The following PATJ variants were observed in gnomAD, a reference collection of about 807,000 sequenced individuals.
PATJ encodes the protein inaD-like protein.
A neutral mutation model predicts 224.9 loss-of-function variants in PATJ; 190 were observed. The observed-to-expected ratio is 0.84, with a 90% CI of 0.75 to 0.95. The LOEUF (loss-of-function observed/expected upper bound fraction) is 0.95. PATJ is among the 40% of genes least tolerant of loss of function. The probability of loss-of-function intolerance (pLI) is 0.00; values close to 1 mark genes in which losing one functional copy is unlikely to be tolerated. For missense variants in PATJ, 2,121 were observed against 2,270.3 expected (o/e 0.93, Z 1.34); for synonymous variants, 769 against 820.3 (o/e 0.94, Z 1.07).
At chr1:61,753,520 T>A (rs1025290462) in intron 1 of PATJ, among the ~76,000 whole-genome samples, 39 of 151,792 alleles carry the variant, frequency 2.6e-4, no homozygotes, top group Non-Finnish European at 4.4e-4. Context: ...TTACATATTT[T>A]TTTTTTTTTT....
At position 61,856,100 on chromosome 1, in the gene PATJ, G is replaced by A; in HGVS notation, c.2183G>A (p.Ser728Asn). 5.0e-6 allele frequency: 8 copies of A among 1,614,160 alleles called. No individual in the cohort carries two copies. Among genetic ancestry groups the A allele is most frequent in the Non-Finnish European group, 6.8e-6 (8 of 1,179,980 alleles). Residue 728 changes from serine to asparagine, a missense_variant, in exon 18 of 44, where the codon AGT (serine) becomes AAT (asparagine). Ser to Asn is a conservative substitution (Grantham distance 46). Coordinates refer to ENST00000642238, the MANE Select transcript of PATJ (RefSeq NM_001350145.3). ...GTAGCAGATGGTGTAGCAGAAAGAA[G>A]TGGGGGACTATTACCTGGAGACCGC... ...SLVADGVAER[S>N]GGLLPGDRLV... is the part of the protein sequence containing the mutation.
At chr1:61,757,956 T>C (rs550707139) in intron 1 of PATJ, among the ~76,000 whole-genome samples, 4 of 152,194 alleles carry the variant, frequency 2.6e-5, no homozygotes, top group Non-Finnish European at 4.4e-5. Context: ...TTGGCTTAAC[T>C]CTTCTTCTAG....
At chr1:62,000,192 A>AG (rs1645663826) in intron 28 of PATJ, among the ~76,000 whole-genome samples, 1 of 124,480 alleles carries the variant, frequency 8.0e-6, no homozygotes, top group South Asian at 2.8e-4. Context: ...CCCAGCCTAG[A>AG]GTTTTTTGTT....
At chr1:61,805,403 AG>A (rs1557675940) in intron 12 of PATJ, 44 bp from the exon 13 acceptor site, 1 of 1,192,450 alleles carries the variant, frequency 8.4e-7, no homozygotes, top group Admixed American at 1.7e-5. Flanking sequence ...GGCTCACAGT[AG>A]TTTCAACATT....
chr1:61,826,806 T>A (rs978244070), intron 15 of PATJ, among the ~76,000 whole-genome samples: 2 of 152,222 alleles, frequency 1.3e-5, no homozygotes, highest in Non-Finnish European at 2.9e-5. Flanking sequence ...AGCATGTAAC[T>A]GATGCAAAAG....
intron 31 of PATJ, among the ~76,000 whole-genome samples, chr1:62,078,345 C>T (rs986776501): frequency 3.3e-5 from 5 of 152,150 alleles, no homozygotes; most frequent in African/African-American, 7.2e-5. Context: ...TGCAATGGCA[C>T]GGTCTCAGCT....
At chr1:61,873,648 G>A (rs1666959282) in intron 20 of PATJ, among the ~76,000 whole-genome samples, 1 of 152,230 alleles carries the variant, frequency 6.6e-6, no homozygotes, top group Admixed American at 6.5e-5. Flanking sequence ...CACATTTGGT[G>A]TCTGGTGATG....
intron 7 of PATJ, among the ~76,000 whole-genome samples, chr1:61,781,794 T>C (rs11207832): frequency 0.17 from 25,132 of 152,144 alleles, 2,466 homozygotes; most frequent in East Asian, 0.47. Flanking sequence ...ACAGCTATAT[T>C]TATTACAGTG....
intron 29 of PATJ, among the ~76,000 whole-genome samples, chr1:62,030,358 C>T (rs752524352): frequency 2.4e-4 from 36 of 152,168 alleles, no homozygotes; most frequent in Admixed American, 1.4e-3. Flanking sequence ...GACATTATCC[C>T]AATTTTAAAG....
chr1:62,107,079 G>T (rs369947248), intron 33 of PATJ, among the ~76,000 whole-genome samples: 1 of 151,842 alleles, frequency 6.6e-6, no homozygotes, highest in East Asian at 1.9e-4. Context: ...AGGTGAGGCG[G>T]GCGGATCACA....
At position 62,000,095 on chromosome 1, in the gene PATJ, G is replaced by A. The variant is rs566393125; in HGVS notation, c.3867+9731G>A. On this transcript the variant is annotated intron_variant, in intron 28 of 43. Transcript: ENST00000642238. ...GTAGAGATGGGGTTTCACCATATTG[G>A]CCAGGCTGGTCTCGAACTCCTGACC... Among the ~76,000 whole-genome samples the A allele has an allele frequency of 2.6e-3, 392 of 152,068 alleles. 3 individuals are homozygous for A. Among genetic ancestry groups the A allele is most frequent in the African/African-American group, 9.1e-3 (379 of 41,466 alleles).
At position 61,914,659 on chromosome 1, in the gene PATJ, GA is replaced by G; in HGVS notation, c.3569del (p.Lys1190ArgfsTer10). On this transcript the variant is annotated frameshift_variant, in exon 26 of 44. Coordinates refer to ENST00000642238, the MANE Select transcript of PATJ (RefSeq NM_001350145.3). LOFTEE classifies it high-confidence loss of function. ...NQNQDTQEKK[E>X]KRQGTAPPPM... ...GAACCAGGACACCCAAGAAAAGAAA[GA>G]AAAGGTAACTTGAACCTCTCAAGGA... The G allele has an allele frequency of 6.4e-7, 1 of 1,564,694 alleles. No homozygotes were observed. The highest frequency in any genetic ancestry group is 8.8e-7 in the Non-Finnish European group (1 of 1,138,358).
At chr1:62,102,147 C>G (rs1231073318) in intron 33 of PATJ, among the ~76,000 whole-genome samples, 1 of 151,946 alleles carries the variant, frequency 6.6e-6, no homozygotes, top group Non-Finnish European at 1.5e-5. Flanking sequence ...CCACTGCACT[C>G]CAGCCTGGAC....
chr1:61,757,975 A>G (rs1186151111), intron 1 of PATJ, among the ~76,000 whole-genome samples: 1 of 152,130 alleles, frequency 6.6e-6, no homozygotes, highest in East Asian at 1.9e-4. Context: ...AGAAACCTAC[A>G]CACACACATT....
chr1:62,141,733 G>A (rs1667525906), intron 41 of PATJ, among the ~76,000 whole-genome samples: 1 of 151,452 alleles, frequency 6.6e-6, no homozygotes, highest in African/African-American at 2.4e-5. Context: ...CACTTTGGGA[G>A]GCCAAGGCAG....
At chr1:62,120,434 T>G (rs1664910371) in intron 37 of PATJ, among the ~76,000 whole-genome samples, 2 of 152,196 alleles carry the variant, frequency 1.3e-5, no homozygotes, top group Non-Finnish European at 2.9e-5. Flanking sequence ...TGCAGAATAA[T>G]TTGGTAGAAA....
intron 29 of PATJ, among the ~76,000 whole-genome samples, chr1:62,036,090 G>A (rs12755300): frequency 6.6e-6 from 1 of 152,148 alleles, no homozygotes; most frequent in Non-Finnish European, 1.5e-5. Context: ...TGGGACCTCA[G>A]AGCTTCCTTA....
At chr1:61,861,761 C>A in intron 19 of PATJ, 94 bp downstream of exon 19, 1 of 575,046 alleles carries the variant, frequency 1.7e-6, no homozygotes, top group South Asian at 3.3e-5. Flanking sequence ...AAAAGCTTGT[C>A]CTTATCCTTT....
At chr1:62,023,791 A>G (rs1401028356) in intron 29 of PATJ, among the ~76,000 whole-genome samples, 2 of 152,202 alleles carry the variant, frequency 1.3e-5, no homozygotes, top group African/African-American at 4.8e-5. Flanking sequence ...GTGTATGTCA[A>G]TCATTTTGAA....
Sources: gnomAD v4.1 joint callset for allele counts (sites outside exome capture counted in the v4.1 genomes callset) on GRCh38, gnomAD v4.1.1 for gene constraint, MANE v1.5 for transcripts, NCBI Gene and HGNC (gene_info 2026-07-23, HGNC 2026-07-21) for gene names.